MOB3B: variants seen among roughly 807,000 people sequenced by gnomAD.
MOB3B encodes MOB kinase activator 3B, also known as MOB kinase activator-like 2B.
A neutral mutation model predicts 18.7 loss-of-function variants in MOB3B; 7 were observed. The observed-to-expected ratio is 0.37, with a 90% confidence interval of 0.21 to 0.70. The LOEUF is 0.70. MOB3B is among the 30% of genes least tolerant of loss of function. The pLI is 0.52. For missense variants in MOB3B, 253 were observed against 281.3 expected, an observed-to-expected ratio of 0.90 and a Z score of 0.72; for synonymous variants, 111 against 99.9, an observed-to-expected ratio of 1.11 and a Z score of -0.66.
intron 1 of MOB3B, among the ~76,000 whole-genome samples, chr9:27,462,029 A>G (rs1378914261): frequency 6.6e-6 from 1 of 152,206 alleles, no homozygotes; most frequent in Non-Finnish European, 1.5e-5. Flanking sequence ...ACCAGTACCA[A>G]CTAGCTTAGA....
intron 3 of MOB3B, among the ~76,000 whole-genome samples, chr9:27,346,926 G>T (rs926374863): frequency 6.6e-6 from 1 of 152,118 alleles, no homozygotes. Context: ...AACCCAGGAG[G>T]TGGAGGTTGC....
At chr9:27,471,517 T>C (rs928586918) in intron 1 of MOB3B, among the ~76,000 whole-genome samples, 2 of 152,122 alleles carry the variant, frequency 1.3e-5, no homozygotes, top group Non-Finnish European at 2.9e-5. Flanking sequence ...GACTGCCCGA[T>C]TTTGACTCCC....
intron 2 of MOB3B, among the ~76,000 whole-genome samples, chr9:27,417,339 G>C (rs1333589272): frequency 6.6e-6 from 1 of 152,148 alleles, no homozygotes; most frequent in Non-Finnish European, 1.5e-5. Flanking sequence ...ACTCCAGCTT[G>C]GGCGACAGAG....
chr9:27,499,638 C>T (rs1406838691), intron 1 of MOB3B, among the ~76,000 whole-genome samples: 2 of 152,220 alleles, frequency 1.3e-5, no homozygotes, highest in African/African-American at 4.8e-5. Flanking sequence ...TCGCTTTCCA[C>T]ACTGCCATTT....
chr9:27,498,457 G>A (rs1193326392), intron 1 of MOB3B, among the ~76,000 whole-genome samples: 2 of 152,118 alleles, frequency 1.3e-5, no homozygotes, highest in Non-Finnish European at 2.9e-5. Context: ...CATGGTCTTT[G>A]TAATCCCTTT....
intron 3 of MOB3B, among the ~76,000 whole-genome samples, chr9:27,340,799 C>T (rs1305128004): frequency 5.3e-5 from 8 of 152,212 alleles, no homozygotes; most frequent in South Asian, 2.1e-4. Flanking sequence ...TGCTGCTCCC[C>T]GCTCCTTTCC....
chr9:27,372,483 A>G (rs1027443744), intron 2 of MOB3B, among the ~76,000 whole-genome samples: 8 of 152,156 alleles, frequency 5.3e-5, no homozygotes, highest in Admixed American at 3.3e-4. Flanking sequence ...TTGCTTCCAA[A>G]GAGTACAGTA....
chr9:27,404,594 G>A (rs2131395767), intron 2 of MOB3B, among the ~76,000 whole-genome samples: 1 of 151,950 alleles, frequency 6.6e-6, no homozygotes, highest in Non-Finnish European at 1.5e-5. Flanking sequence ...CTGACCTCAG[G>A]TGATCCACCC....
chr9:27,479,268 G>A (rs901141007), intron 1 of MOB3B, among the ~76,000 whole-genome samples: 2 of 152,064 alleles, frequency 1.3e-5, no homozygotes, highest in Non-Finnish European at 2.9e-5. Context: ...TCCTTTATAA[G>A]AAACCCCTTC....
intron 2 of MOB3B, among the ~76,000 whole-genome samples, chr9:27,385,088 T>A (rs1013204030): frequency 6.6e-6 from 1 of 152,148 alleles, no homozygotes; most frequent in African/African-American, 2.4e-5. Flanking sequence ...TGCATGGCCC[T>A]GCTACAGGGC....
At chr9:27,346,001 A>T (rs1388753049) in intron 3 of MOB3B, among the ~76,000 whole-genome samples, 2 of 152,236 alleles carry the variant, frequency 1.3e-5, no homozygotes, top group African/African-American at 2.4e-5. Context: ...TCCAAAATTC[A>T]TGCTGGAACC....
At position 27,447,759 on chromosome 9, in the gene MOB3B, C is replaced by T. The variant is rs1822716068; in HGVS notation, c.418+7374G>A. ...CATTAATTCAGCCACCAAGTCATTG[C>T]AGTATTGGGTTCACAAGGTTGTGGT... On this transcript the variant is annotated intron_variant, in intron 2 of 3. Transcript: ENST00000262244. Among the ~76,000 whole-genome samples the T allele has an allele frequency of 3.3e-5, 5 of 152,182 alleles. No individual in the cohort carries two copies. The South Asian group carries it at 1.0e-3, about 31-fold the overall frequency.
At chr9:27,498,718 C>A (rs577663822) in intron 1 of MOB3B, among the ~76,000 whole-genome samples, 1 of 152,212 alleles carries the variant, frequency 6.6e-6, no homozygotes, top group South Asian at 2.1e-4. Flanking sequence ...GGTGCTGAGG[C>A]ACATGCACCA....
intron 3 of MOB3B, among the ~76,000 whole-genome samples, chr9:27,338,613 T>C (rs1392598492): frequency 6.6e-6 from 1 of 151,996 alleles, no homozygotes; most frequent in Non-Finnish European, 1.5e-5. Flanking sequence ...CCCAAACAAC[T>C]CTACAGCCAA....
chr9:27,405,199 C>A (rs533247521), intron 2 of MOB3B, among the ~76,000 whole-genome samples: 1 of 137,272 alleles, frequency 7.3e-6, no homozygotes, highest in East Asian at 2.4e-4. Context: ...CCTCTGCCTC[C>A]GGAGTTCAAG....
rs1458774765 is a variant in MOB3B, at chr9:27,455,136, C to A, written c.415G>T (p.Val139Leu). The A allele has an allele frequency of 1.2e-6, 2 of 1,614,086 alleles. No homozygotes were observed. Reference sequence around the variant, plus strand: ...TGAGAGCTGGTAATGAACTTACCCACGCATGTTGGAAATATTTCCTCGTTG... The same window carrying A: ...TGAGAGCTGGTAATGAACTTACCCAAGCATGTTGGAAATATTTCCTCGTTG... ...INNEEIFPTC[V>L]GVPFPKNFLQ... is the part of the protein sequence containing the mutation. Residue 139 changes from valine (V) to leucine (L), a missense_variant, in exon 2 of 4, where the codon GTG (valine) becomes TTG (leucine). Physicochemically the swap from Val to Leu is conservative, Grantham distance 32. Coordinates refer to ENST00000262244, the MANE Select transcript of MOB3B (RefSeq NM_024761.5).
intron 2 of MOB3B, among the ~76,000 whole-genome samples, chr9:27,396,413 C>T (rs918409442): frequency 3.3e-5 from 5 of 152,188 alleles, no homozygotes; most frequent in African/African-American, 1.2e-4. Context: ...CACCCCAATT[C>T]ACACACACCA....
intron 1 of MOB3B, among the ~76,000 whole-genome samples, chr9:27,483,578 T>C (rs2131480607): frequency 1.3e-5 from 2 of 152,354 alleles, no homozygotes; most frequent in South Asian, 4.1e-4. Context: ...GCATAGCTCC[T>C]GAGAAAACAG....
chr9:27,416,544 ATTTTTTTTTTTT>A (rs559806304), intron 2 of MOB3B, among the ~76,000 whole-genome samples: 21 of 121,424 alleles, frequency 1.7e-4, no homozygotes, highest in African/African-American at 5.9e-4. Context: ...TTTCTTTTTA[ATTTTTTTTTTTT>A]TTTTTTTTTT....
Sources: allele counts gnomAD v4.1 joint callset (sites outside exome capture counted in the v4.1 genomes callset), GRCh38; gene constraint gnomAD v4.1.1; transcripts MANE v1.5; gene names NCBI Gene and HGNC (gene_info 2026-07-23, HGNC 2026-07-21).